Variants in GPC6 observed in about 807,000 individuals in gnomAD.
GPC6 encodes the protein glypican-6.
GPC6 carries 14 observed loss-of-function variants against 55.2 expected under a neutral mutation model. That is an observed-to-expected ratio of 0.25 (90% CI 0.17 to 0.40). The LOEUF is 0.40. Among genes scored for constraint, GPC6 ranks in the 10% least tolerant of loss-of-function variants. The probability of loss-of-function intolerance (pLI) is 1.00; values close to 1 mark genes in which losing one functional copy is unlikely to be tolerated. For missense variants in GPC6, 641 were observed against 708.5 expected (o/e 0.90, Z 1.08); for synonymous variants, 278 against 259.6 (o/e 1.07, Z -0.68).
chr13:94,197,505 A>G (rs1161535639), intron 4 of GPC6, among the ~76,000 whole-genome samples: 1 of 152,196 alleles, frequency 6.6e-6, no homozygotes, highest in Non-Finnish European at 1.5e-5. Flanking sequence ...TGCAAACAGC[A>G]GTCTTCTCTC....
intron 3 of GPC6, among the ~76,000 whole-genome samples, chr13:93,916,593 T>G (rs957928670): frequency 2.6e-5 from 4 of 152,158 alleles, no homozygotes; most frequent in Non-Finnish European, 4.4e-5. Context: ...GTTAATATAG[T>G]TGAAATAACT....
At chr13:94,371,631 T>C (rs149676575) in intron 6 of GPC6, among the ~76,000 whole-genome samples, 3 of 152,326 alleles carry the variant, frequency 2.0e-5, no homozygotes, top group African/African-American at 7.2e-5. Flanking sequence ...TTTGAGTCAA[T>C]TACTGCCCTC....
chr13:94,037,839 A>G (rs1334851167), intron 4 of GPC6, among the ~76,000 whole-genome samples: 27 of 152,012 alleles, frequency 1.8e-4, no homozygotes, highest in Admixed American at 1.8e-3. Flanking sequence ...GCACTGTCTA[A>G]TAGAATTTTC....
intron 1 of GPC6, among the ~76,000 whole-genome samples, chr13:93,418,637 C>T (rs142844776): frequency 0.019 from 2,920 of 150,084 alleles, 118 homozygotes; most frequent in African/African-American, 0.067. Flanking sequence ...AGCGCTATAC[C>T]GTAGTATCAT....
At chr13:93,515,196 A>T (rs1217319961) in intron 1 of GPC6, among the ~76,000 whole-genome samples, 2 of 152,126 alleles carry the variant, frequency 1.3e-5, no homozygotes, top group Non-Finnish European at 2.9e-5. Context: ...TCTTTAAATC[A>T]GGCGAAGGGT....
intron 6 of GPC6, among the ~76,000 whole-genome samples, chr13:94,332,637 A>T (rs1375687819): frequency 6.6e-6 from 1 of 152,252 alleles, no homozygotes; most frequent in African/African-American, 2.4e-5. Context: ...CATGTGATTT[A>T]AAATCTTATG....
intron 5 of GPC6, among the ~76,000 whole-genome samples, chr13:94,296,903 CTT>C (rs1299433571): frequency 3.3e-5 from 5 of 152,056 alleles, no homozygotes; most frequent in Admixed American, 1.3e-4. Flanking sequence ...TAATTATTAA[CTT>C]TGTTATTAAT....
At chr13:93,613,337 G>C (rs1464923506) in intron 2 of GPC6, among the ~76,000 whole-genome samples, 3 of 152,082 alleles carry the variant, frequency 2.0e-5, no homozygotes, top group Non-Finnish European at 4.4e-5. Flanking sequence ...TGGATTATTA[G>C]GACTAAAGGT....
intron 1 of GPC6, among the ~76,000 whole-genome samples, chr13:93,488,460 T>C (rs1400273613): frequency 6.6e-6 from 1 of 152,236 alleles, no homozygotes. Flanking sequence ...AGCAGCATGA[T>C]TTATAATCCT....
intron 1 of GPC6, among the ~76,000 whole-genome samples, chr13:93,463,127 A>T (rs1317259800): frequency 6.6e-6 from 1 of 152,186 alleles, no homozygotes; most frequent in African/African-American, 2.4e-5. Context: ...AAATCCCTCC[A>T]GCCATCTCAT....
chr13:93,470,183 T>C (rs1414118196), intron 1 of GPC6, among the ~76,000 whole-genome samples: 2 of 152,150 alleles, frequency 1.3e-5, no homozygotes, highest in East Asian at 3.9e-4. Context: ...TCTTGTCTTA[T>C]TGAAGTGGCT....
intron 1 of GPC6, among the ~76,000 whole-genome samples, chr13:93,542,966 G>C (rs1168003234): frequency 1.3e-5 from 2 of 152,148 alleles, no homozygotes; most frequent in African/African-American, 4.8e-5. Context: ...CATGTCTTCT[G>C]CAAACAGGGA....
At chr13:94,304,844 A>G (rs1179724353) in intron 5 of GPC6, among the ~76,000 whole-genome samples, 3 of 152,186 alleles carry the variant, frequency 2.0e-5, no homozygotes, top group Non-Finnish European at 4.4e-5. Context: ...GTCAACAACA[A>G]AATTAGAGGA....
intron 2 of GPC6, among the ~76,000 whole-genome samples, chr13:93,750,217 G>A (rs1884530447): frequency 6.6e-6 from 1 of 152,186 alleles, no homozygotes; most frequent in Non-Finnish European, 1.5e-5. Context: ...GAAAGTAGTA[G>A]TGAAGATTCC....
At chr13:93,636,269 A>G (rs1879691365) in intron 2 of GPC6, among the ~76,000 whole-genome samples, 1 of 152,228 alleles carries the variant, frequency 6.6e-6, no homozygotes, top group African/African-American at 2.4e-5. Flanking sequence ...GGAGTATTTA[A>G]TCCACCGATG....
chr13:94,386,979 C>G (rs1197693669), intron 7 of GPC6, among the ~76,000 whole-genome samples: 1 of 152,188 alleles, frequency 6.6e-6, no homozygotes, highest in African/African-American at 2.4e-5. Context: ...CAAAATGACT[C>G]TTACAGTAGA....
chr13:94,335,419 A>C (rs983303312), intron 6 of GPC6, among the ~76,000 whole-genome samples: 1 of 152,178 alleles, frequency 6.6e-6, no homozygotes, highest in African/African-American at 2.4e-5. Context: ...CTTGCCAAGA[A>C]GTAGTATCAG....
At chr13:93,479,929 A>G (rs1285652193) in intron 1 of GPC6, among the ~76,000 whole-genome samples, 2 of 152,222 alleles carry the variant, frequency 1.3e-5, no homozygotes, top group Non-Finnish European at 2.9e-5. Context: ...TCTGGAAACA[A>G]ATAAATGAGA....
the GPC6 span, among the ~76,000 whole-genome samples, chr13:93,217,683 A>T: frequency 6.6e-6 from 1 of 152,196 alleles, no homozygotes; most frequent in Non-Finnish European, 1.5e-5. Flanking sequence ...GGGGTTTGAA[A>T]ATCAGTTATC....
Sources: gnomAD v4.1 joint callset for allele counts (sites outside exome capture counted in the v4.1 genomes callset) on GRCh38, gnomAD v4.1.1 for gene constraint, MANE v1.5 for transcripts, NCBI Gene and HGNC (gene_info 2026-07-23, HGNC 2026-07-21) for gene names.